The following FHIT variants were observed in gnomAD, a reference collection of about 807,000 sequenced individuals.
The protein encoded by FHIT is bis(5'-adenosyl)-triphosphatase.
FHIT carries 19 observed loss-of-function variants against 17.9 expected under a neutral mutation model. That is an observed-to-expected ratio of 1.06 (90% CI 0.74 to 1.56). The LOEUF (loss-of-function observed/expected upper bound fraction) is 1.56. FHIT is among the 40% of genes most tolerant of loss of function. The pLI is 0.00. For synonymous variants in FHIT, 81 were observed against 69.7 expected, an observed-to-expected ratio of 1.16 and a Z score of -0.81; for missense variants, 248 against 189.2, an observed-to-expected ratio of 1.31 and a Z score of -1.82.
intron 5 of FHIT, among the ~76,000 whole-genome samples, chr3:60,403,071 A>G (rs1373881446): frequency 1.3e-5 from 2 of 152,232 alleles, no homozygotes; most frequent in Admixed American, 1.3e-4. Context: ...ACTCTAGTCT[A>G]CAGAGAAGAT....
intron 2 of FHIT, among the ~76,000 whole-genome samples, chr3:61,075,299 G>T (rs560720589): frequency 6.6e-6 from 1 of 152,124 alleles, no homozygotes; most frequent in East Asian, 1.9e-4. Context: ...AGAGGGTGGT[G>T]GCAGGGGGGA....
At chr3:61,119,646 A>G (rs563499771) in intron 2 of FHIT, among the ~76,000 whole-genome samples, 16 of 152,334 alleles carry the variant, frequency 1.1e-4, no homozygotes, top group African/African-American at 3.4e-4. Context: ...TTTGAACCTC[A>G]GTAGATTGAG....
chr3:60,863,759 C>T (rs1370933649), intron 3 of FHIT, among the ~76,000 whole-genome samples: 3 of 151,986 alleles, frequency 2.0e-5, no homozygotes, highest in Non-Finnish European at 4.4e-5. Flanking sequence ...CATGTACATT[C>T]AACAATAATG....
chr3:60,744,420 A>C (rs996951431), intron 4 of FHIT, among the ~76,000 whole-genome samples: 16 of 152,002 alleles, frequency 1.1e-4, no homozygotes, highest in Non-Finnish European at 1.9e-4. Context: ...AGTGAAAACA[A>C]CGAAAGCTCA....
intron 5 of FHIT, among the ~76,000 whole-genome samples, chr3:60,168,449 A>T (rs1486242187): frequency 1.3e-5 from 2 of 152,186 alleles, no homozygotes; most frequent in African/African-American, 2.4e-5. Flanking sequence ...CTCCAAGGTG[A>T]AGGACCACTC....
chr3:60,909,369 G>A (rs376059416), intron 3 of FHIT, among the ~76,000 whole-genome samples: 138 of 120,270 alleles, frequency 1.1e-3, no homozygotes, highest in Non-Finnish European at 1.3e-3. Flanking sequence ...ACTCTGTCTC[G>A]AAAAAAAAAA....
chr3:60,084,151 G>A (rs969152331), intron 5 of FHIT, among the ~76,000 whole-genome samples: 11 of 152,124 alleles, frequency 7.2e-5, no homozygotes, highest in Non-Finnish European at 7.4e-5. Context: ...AATACTGAAA[G>A]GTTCAGAGGG....
intron 5 of FHIT, among the ~76,000 whole-genome samples, chr3:60,453,896 T>C (rs1489804352): frequency 6.6e-6 from 1 of 152,152 alleles, no homozygotes; most frequent in Non-Finnish European, 1.5e-5. Context: ...GAGTAGCTCA[T>C]TCCGAACAGA....
At chr3:60,760,723 T>C (rs1325874823) in intron 4 of FHIT, among the ~76,000 whole-genome samples, 8 of 152,140 alleles carry the variant, frequency 5.3e-5, no homozygotes, top group Admixed American at 5.2e-4. Context: ...AAAGAAGACA[T>C]GGCAACTTGA....
At chr3:61,021,206 C>G (rs956710907) in intron 3 of FHIT, among the ~76,000 whole-genome samples, 9 of 152,154 alleles carry the variant, frequency 5.9e-5, no homozygotes, top group Non-Finnish European at 2.9e-5. Flanking sequence ...AACTCTCCAC[C>G]CCAAATCAAC....
chr3:60,387,023 C>CTTTTTTTTTTTT lies in FHIT; in HGVS notation c.103+149825_103+149836dup, dbSNP rs71627536. Among the ~76,000 whole-genome samples, 511 of 136,336 alleles carry CTTTTTTTTTTTT rather than the reference C, an allele frequency of 3.7e-3. 12 individuals carry two copies. Among genetic ancestry groups the CTTTTTTTTTTTT allele is most frequent in the African/African-American group, 0.013 (487 of 37,120 alleles). 89.4% of individuals were successfully genotyped at this position (136,336 alleles called of 152,430 possible). ...TTTGCCTAAGGAAATTCTATTTATT[C>CTTTTTTTTTTTT]TTTTTTTTTTTTGGAGTGCAACAGC... On this transcript the variant is annotated intron_variant, in intron 5 of 9. Transcript: ENST00000492590.
At chr3:61,203,596 G>C (rs1227766264) in intron 1 of FHIT, among the ~76,000 whole-genome samples, 1 of 152,096 alleles carries the variant, frequency 6.6e-6, no homozygotes, top group Non-Finnish European at 1.5e-5. Flanking sequence ...GGTAAATCTG[G>C]TAACTTTAAT....
chr3:59,889,827 T>C (rs1202321417), intron 8 of FHIT, among the ~76,000 whole-genome samples: 1 of 152,248 alleles, frequency 6.6e-6, no homozygotes, highest in Non-Finnish European at 1.5e-5. Context: ...GTAATAAATG[T>C]AAAATCCTAA....
intron 3 of FHIT, among the ~76,000 whole-genome samples, chr3:60,918,321 T>C (rs1361774749): frequency 2.6e-5 from 4 of 152,236 alleles, no homozygotes; most frequent in African/African-American, 9.6e-5. Flanking sequence ...TCTACCTGAC[T>C]TTGGTTAAAT....
chr3:61,228,881 G>A (rs2040032191), intron 1 of FHIT, among the ~76,000 whole-genome samples: 1 of 152,150 alleles, frequency 6.6e-6, no homozygotes, highest in South Asian at 2.1e-4. Context: ...CCGTTTTACT[G>A]AGCACTTCCT....
chr3:60,054,897 T>C (rs1444355538), intron 5 of FHIT, among the ~76,000 whole-genome samples: 3 of 152,210 alleles, frequency 2.0e-5, no homozygotes, highest in East Asian at 3.8e-4. Flanking sequence ...ATTTGTGTTT[T>C]ATTTTTGTTT....
At chr3:60,817,631 G>C (rs1283630631) in intron 4 of FHIT, among the ~76,000 whole-genome samples, 3 of 151,836 alleles carry the variant, frequency 2.0e-5, no homozygotes, top group African/African-American at 7.3e-5. Flanking sequence ...TTCCACCAAA[G>C]ATACCGTGCC....
chr3:61,026,118 A>G (rs1291506228), intron 3 of FHIT, among the ~76,000 whole-genome samples: 2 of 152,170 alleles, frequency 1.3e-5, no homozygotes, highest in Non-Finnish European at 2.9e-5. Flanking sequence ...CAAGCATGAA[A>G]TGATTTTATG....
chr3:59,919,559 T>A (rs1053372235), intron 8 of FHIT, among the ~76,000 whole-genome samples: 3 of 152,236 alleles, frequency 2.0e-5, no homozygotes, highest in African/African-American at 7.2e-5. Context: ...ACCTTTCTTA[T>A]GAACCTTCTT....
Sources: allele counts gnomAD v4.1 joint callset (sites outside exome capture counted in the v4.1 genomes callset), GRCh38; gene constraint gnomAD v4.1.1; transcripts MANE v1.5; gene names NCBI Gene and HGNC (gene_info 2026-07-23, HGNC 2026-07-21).